The following HIVEP1 variants were observed in gnomAD, a reference collection of about 807,000 sequenced individuals.
HIVEP1 encodes the protein zinc finger protein 40.
A neutral mutation model predicts 180.0 loss-of-function variants in HIVEP1; 36 were observed. The ratio of observed to expected loss-of-function variants is 0.20; its 90% CI spans 0.15 to 0.26. The LOEUF (loss-of-function observed/expected upper bound fraction) is 0.26, where lower values mean the gene tolerates loss of function less well. Among genes scored for constraint, HIVEP1 ranks in the 10% least tolerant of loss-of-function variants. The pLI is 1.00. For synonymous variants in HIVEP1, 1,239 were observed against 1,239.0 expected, an observed-to-expected ratio of 1.00 and a Z score of 0.00; for missense variants, 3,143 against 3,268.7, an observed-to-expected ratio of 0.96 and a Z score of 0.94.
At position 12,122,759 on chromosome 6, in the gene HIVEP1, A is replaced by G; in HGVS notation, c.2964A>G (p.Pro988=). 6.2e-7 allele frequency: 1 copy of G among 1,611,452 alleles called. No individual in the cohort carries two copies. Among genetic ancestry groups the G allele is most frequent in the Non-Finnish European group, 8.5e-7 (1 of 1,179,314 alleles). The change falls in exon 4 of 9, where the codon CCA becomes CCG. Residue 988 remains proline (P), a synonymous_variant. Coordinates refer to ENST00000379388, the MANE Select transcript of HIVEP1 (RefSeq NM_002114.4). Reference sequence around the variant, plus strand: ...TTTACTGTTCTGAGTTACATGGACCAAAAACAAAGGTAGCCATGAGAGAAC... The same window carrying G: ...TTTACTGTTCTGAGTTACATGGACCGAAAACAAAGGTAGCCATGAGAGAAC... ...KKFYCSELHG[P]KTKVAMREPE...
chr6:12,122,420 T>C lies in HIVEP1; in HGVS notation c.2625T>C (p.Tyr875=). The change falls in exon 4 of 9, where the codon TAT becomes TAC. Residue 875 remains tyrosine, a synonymous_variant. Transcript: ENST00000379388. ...TTGATGACAAAATTGGCGCTTTCTATGATGATGTCTTTGTATCGGGACCTA... is the reference window on the plus strand; with the variant it reads ...TTGATGACAAAATTGGCGCTTTCTACGATGATGTCTTTGTATCGGGACCTA... ...QSFDDKIGAF[Y]DDVFVSGPNA... 1 of 1,614,232 alleles carries C rather than the reference T, an allele frequency of 6.2e-7. No individual in the cohort carries two copies. The highest frequency in any genetic ancestry group is 2.2e-5 in the East Asian group (1 of 44,888).
At chr6:12,126,455 C>T (rs1475138347) in intron 4 of HIVEP1, among the ~76,000 whole-genome samples, 1 of 152,044 alleles carries the variant, frequency 6.6e-6, no homozygotes, top group African/African-American at 2.4e-5. Context: ...TTGATTTGGT[C>T]AAGATTTATA....
At chr6:12,067,819 A>G (rs1410137130) in intron 2 of HIVEP1, among the ~76,000 whole-genome samples, 3 of 152,108 alleles carry the variant, frequency 2.0e-5, no homozygotes, top group African/African-American at 4.8e-5. Flanking sequence ...GTACAAATCA[A>G]TGGCCCCCAA....
upstream of HIVEP1, among the ~76,000 whole-genome samples, chr6:12,009,625 T>C (rs1156461623): frequency 6.6e-6 from 1 of 152,178 alleles, no homozygotes. Context: ...TTTGAGAAAA[T>C]ATATTGGATT....
chr6:12,161,307 G>A, intron 7 of HIVEP1, 132 bp from the exon 8 acceptor site: 1 of 830,846 alleles, frequency 1.2e-6, no homozygotes, highest in South Asian at 1.7e-5. Context: ...AGCCAGGGCG[G>A]AGGCTCGTTG....
Position 12,122,862 on chromosome 6 carries a change from G to A in HIVEP1, c.3067G>A (p.Glu1023Lys). The change falls in exon 4 of 9, where the codon GAA becomes AAA. Residue 1023 changes from glutamate (E) to lysine (K), a missense_variant. Around this residue, in one of 12 missense-constraint regions of HIVEP1, gnomAD observed 1,357 missense variants for 1,260.5 expected, o/e 1.08. Coordinates refer to ENST00000379388, the MANE Select transcript of HIVEP1 (RefSeq NM_002114.4). ...YRVAGSSGIW[E>K]QTPQIRKRRK... ...AGTCGCTGGGTCCTCCGGCATCTGGGAACAGACGCCCCAGATAAGAAAAAG... is the reference window on the plus strand; with the variant it reads ...AGTCGCTGGGTCCTCCGGCATCTGGAAACAGACGCCCCAGATAAGAAAAAG... The A allele has an allele frequency of 6.2e-7, 1 of 1,614,128 alleles. No homozygotes were observed. Among genetic ancestry groups the A allele is most frequent in the Non-Finnish European group, 8.5e-7 (1 of 1,180,014 alleles).
intron 2 of HIVEP1, chr6:12,037,712 C>T (rs556411745): frequency 3.5e-5 from 14 of 395,686 alleles, no homozygotes; most frequent in Non-Finnish European, 4.9e-5. Flanking sequence ...TTGTTTTTTC[C>T]TTTTTTTTTG....
At chr6:12,075,240 A>C (rs776602313) in intron 2 of HIVEP1, among the ~76,000 whole-genome samples, 1 of 152,284 alleles carries the variant, frequency 6.6e-6, no homozygotes, top group East Asian at 1.9e-4. Context: ...AGGCTTTCCA[A>C]TTTTCAGATT....
intron 2 of HIVEP1, among the ~76,000 whole-genome samples, chr6:12,081,413 T>A (rs1772780296): frequency 6.6e-6 from 1 of 152,192 alleles, no homozygotes; most frequent in African/African-American, 2.4e-5. Flanking sequence ...TAGACAGCGA[T>A]GTCTCTTACC....
At chr6:12,136,292 T>G (rs1334043456) in intron 7 of HIVEP1, among the ~76,000 whole-genome samples, 1 of 152,160 alleles carries the variant, frequency 6.6e-6, no homozygotes, top group African/African-American at 2.4e-5. Context: ...TACTTAACAT[T>G]GATCGCTCTT....
Position 12,035,229 on chromosome 6 carries a change from G to A in HIVEP1, c.40+19561G>A, listed in dbSNP as rs143507702. Among the ~76,000 whole-genome samples, 808 of 152,286 alleles carry A rather than the reference G, an allele frequency of 5.3e-3. 2 individuals carry two copies. Among genetic ancestry groups the A allele is most frequent in the South Asian group, 0.014 (66 of 4,824 alleles). ...AATAAACTTGGAGTGTATCTGTTCA[G>A]GAGTCACAGATTAATCTTTCTAAGT... On this transcript the variant is annotated intron_variant, in intron 2 of 8. Coordinates refer to ENST00000379388, the MANE Select transcript of HIVEP1 (RefSeq NM_002114.4).
chr6:12,134,659 C>T (rs1758608736), intron 6 of HIVEP1, among the ~76,000 whole-genome samples: 1 of 152,150 alleles, frequency 6.6e-6, no homozygotes, highest in Non-Finnish European at 1.5e-5. Flanking sequence ...ATGACTTGCC[C>T]TTGTTGGCAA....
At chr6:12,210,537 A>G in the HIVEP1 span, among the ~76,000 whole-genome samples, 1 of 152,242 alleles carries the variant, frequency 6.6e-6, no homozygotes, top group African/African-American at 2.4e-5. Context: ...TTAAAAAAAT[A>G]GAAAAAAATC....
At chr6:12,180,526 A>C in the HIVEP1 span, among the ~76,000 whole-genome samples, 2 of 152,200 alleles carry the variant, frequency 1.3e-5, no homozygotes, top group African/African-American at 4.8e-5. Flanking sequence ...CAGTTTCTCC[A>C]AAATTATTAT....
chr6:12,055,268 A>T (rs967798887), intron 2 of HIVEP1, among the ~76,000 whole-genome samples: 4 of 152,138 alleles, frequency 2.6e-5, no homozygotes, highest in East Asian at 1.9e-4. Context: ...AGGTCAGGAG[A>T]TCGAGACCAT....
chr6:12,155,692 C>G (rs1198023198), intron 7 of HIVEP1, among the ~76,000 whole-genome samples: 1 of 151,984 alleles, frequency 6.6e-6, no homozygotes, highest in African/African-American at 2.4e-5. Context: ...CATGTCTTTG[C>G]TATTACGAAT....
At chr6:12,141,690 G>GAAAAAAAA (rs1759040723) in intron 7 of HIVEP1, among the ~76,000 whole-genome samples, 1 of 3,158 alleles carries the variant, frequency 3.2e-4, no homozygotes, top group Admixed American at 5.4e-3. Flanking sequence ...CAAATGGAAA[G>GAAAAAAAA]CAAAAAAAAA....
At chr6:12,106,888 T>C (rs2113427239) in intron 3 of HIVEP1, among the ~76,000 whole-genome samples, 1 of 152,308 alleles carries the variant, frequency 6.6e-6, no homozygotes, top group East Asian at 1.9e-4. Flanking sequence ...CTAGTTTTAT[T>C]TTGATTTTTC....
At chr6:12,191,689 T>G in the HIVEP1 span, among the ~76,000 whole-genome samples, 1 of 152,220 alleles carries the variant, frequency 6.6e-6, no homozygotes, top group Non-Finnish European at 1.5e-5. Flanking sequence ...CAATATCGTT[T>G]GATTAATTTT....
Sources: gnomAD v4.1 joint callset for allele counts (sites outside exome capture counted in the v4.1 genomes callset) on GRCh38, gnomAD v4.1.1 for gene constraint, gnomAD v4.1.1 regional missense constraint, MANE v1.5 for transcripts, NCBI Gene and HGNC (gene_info 2026-07-23, HGNC 2026-07-21) for gene names.